Variants in ZFP64 observed in about 807,000 individuals in gnomAD.
ZFP64 encodes the protein ZFP64 zinc finger protein.
ZFP64 carries 14 observed loss-of-function variants against 51.6 expected under a neutral mutation model. That is an observed-to-expected ratio of 0.27 (90% CI 0.18 to 0.42). The LOEUF (loss-of-function observed/expected upper bound fraction) is 0.42. Among genes scored for constraint, ZFP64 ranks in the 10% least tolerant of loss-of-function variants. The probability of loss-of-function intolerance (pLI) is 1.00; values close to 1 mark genes in which losing one functional copy is unlikely to be tolerated. For synonymous variants in ZFP64, 375 were observed against 361.4 expected (o/e 1.04, Z -0.43); for missense variants, 754 against 906.8 (o/e 0.83, Z 2.16).
intron 5 of ZFP64, among the ~76,000 whole-genome samples, chr20:52,127,498 C>T (rs1224572381): frequency 6.6e-6 from 1 of 152,136 alleles, no homozygotes; most frequent in East Asian, 1.9e-4. Context: ...AGGGGCTCTT[C>T]CCCTTTCACT....
chr20:52,172,221 TTGTG>T (rs537503128), intron 2 of ZFP64, among the ~76,000 whole-genome samples: 19 of 147,984 alleles, frequency 1.3e-4, no homozygotes, highest in Non-Finnish European at 2.3e-4. Flanking sequence ...GTGTGTGTGT[TTGTG>T]TGTGTGTGTG....
Position 52,191,333 on chromosome 20 carries a change from C to A in ZFP64, c.46+258G>T, listed in dbSNP as rs1221711674. ...ATTGTCTGAACGGCGTGCCCTCCCC[C>A]ACTGTTCCCTTCCAAGGGGTCTCGC... On this transcript the variant is annotated intron_variant, in intron 1 of 5. Coordinates refer to ENST00000216923, the MANE Select transcript of ZFP64 (RefSeq NM_018197.3). This position sits in a 1 kb window ranked among gnomAD's most constrained non-coding sequence, Gnocchi z 4.3. Among the ~76,000 whole-genome samples the A allele has an allele frequency of 6.6e-6, 1 of 152,196 alleles. No individual in the cohort carries two copies. The highest frequency in any genetic ancestry group is 2.4e-5 in the African/African-American group (1 of 41,456).
chr20:52,175,857 C>CCCAG, intron 2 of ZFP64: 38 of 376,044 alleles, frequency 1.0e-4, no homozygotes, highest in East Asian at 1.7e-4. Flanking sequence ...CCCGCACCCC[C>CCCAG]GCTGCCGCCC....
At chr20:52,130,220 G>A (rs530701755) in intron 5 of ZFP64, among the ~76,000 whole-genome samples, 6 of 152,208 alleles carry the variant, frequency 3.9e-5, no homozygotes, top group Admixed American at 6.5e-5. Flanking sequence ...TGTTTTGTTT[G>A]TTTGTTTGTT....
At chr20:52,177,659 C>G (rs374254166) in intron 2 of ZFP64, among the ~76,000 whole-genome samples, 1 of 151,804 alleles carries the variant, frequency 6.6e-6, no homozygotes, top group African/African-American at 2.4e-5. Context: ...TTTGAGCTGC[C>G]GAACTGACCT....
At chr20:52,111,195 C>T (rs1376294593) in intron 5 of ZFP64, 6 of 431,112 alleles carry the variant, frequency 1.4e-5, no homozygotes, top group African/African-American at 5.0e-5. Flanking sequence ...AGTCAGCGGT[C>T]AATTTTTTTT....
At chr20:52,137,210 A>T (rs1386012061) in intron 5 of ZFP64, among the ~76,000 whole-genome samples, 1 of 152,198 alleles carries the variant, frequency 6.6e-6, no homozygotes, top group African/African-American at 2.4e-5. Context: ...AAGATTAATA[A>T]TATTTCCTAT....
At chr20:52,147,686 T>C (rs1236551636), downstream of ZFP64, among the ~76,000 whole-genome samples, 1 of 152,168 alleles carries the variant, frequency 6.6e-6, no homozygotes, top group Non-Finnish European at 1.5e-5. Flanking sequence ...ATGCAAAAAT[T>C]CCTATTCACA....
At chr20:52,180,688 A>T (rs1380917020) in intron 2 of ZFP64, among the ~76,000 whole-genome samples, 1 of 152,104 alleles carries the variant, frequency 6.6e-6, no homozygotes, top group East Asian at 1.9e-4. Flanking sequence ...ATGTAATGAG[A>T]GCTAACAGTG....
At chr20:52,100,888 CAA>C (rs2079043281) in intron 5 of ZFP64, among the ~76,000 whole-genome samples, 1 of 152,170 alleles carries the variant, frequency 6.6e-6, no homozygotes, top group South Asian at 2.1e-4. Context: ...TGAGTAAATA[CAA>C]TTGCGTGGCT....
At chr20:52,108,713 T>A (rs1978386312) in intron 5 of ZFP64, among the ~76,000 whole-genome samples, 1 of 152,042 alleles carries the variant, frequency 6.6e-6, no homozygotes, top group Non-Finnish European at 1.5e-5. Context: ...TTTCACCATG[T>A]CGGCCAGGCT....
At chr20:52,163,246 A>G (rs532919434) in intron 4 of ZFP64, among the ~76,000 whole-genome samples, 2 of 152,254 alleles carry the variant, frequency 1.3e-5, no homozygotes, top group South Asian at 4.2e-4. Context: ...CTGTAATCCC[A>G]GCTACTCAGG....
chr20:52,189,779 T>C (rs1984244412), intron 1 of ZFP64, among the ~76,000 whole-genome samples: 2 of 152,134 alleles, frequency 1.3e-5, no homozygotes, highest in South Asian at 2.1e-4. Context: ...TGGCCCTTTT[T>C]CCTAAACATT....
chr20:52,161,238 A>G (rs1981769524), intron 4 of ZFP64, among the ~76,000 whole-genome samples: 1 of 152,144 alleles, frequency 6.6e-6, no homozygotes, highest in East Asian at 1.9e-4. Flanking sequence ...GAACCTCACT[A>G]ATGCTATGTC....
intron 2 of ZFP64, among the ~76,000 whole-genome samples, chr20:52,171,895 C>G (rs917118431): frequency 6.6e-6 from 1 of 151,810 alleles, no homozygotes; most frequent in African/African-American, 2.4e-5. Context: ...CTACAGGTGC[C>G]TGCCACAGTG....
rs567940500 is a variant in ZFP64, at chr20:52,163,699, G to A, written c.511+996C>T. The stretch of plus-strand genomic sequence containing the variant: ...AAATAGCAGGCTTTGGGCAATTAGC[G>A]AAGCCAAAGCCAAAACTCCCTGCAT... On this transcript the variant is annotated intron_variant, in intron 4 of 5. Coordinates refer to ENST00000216923, the MANE Select transcript of ZFP64 (RefSeq NM_018197.3). 3.9e-5 allele frequency among the ~76,000 whole-genome samples: 6 copies of A among 152,214 alleles called. No homozygotes were observed. In the East Asian group the frequency reaches 5.8e-4, roughly 15 times the overall value.
intron 5 of ZFP64, among the ~76,000 whole-genome samples, chr20:52,102,169 G>C (rs991870180): frequency 3.4e-5 from 5 of 147,832 alleles, no homozygotes; most frequent in Non-Finnish European, 7.4e-5. Flanking sequence ...GAACCAATCT[G>C]TACTTTAGCC....
intron 5 of ZFP64, among the ~76,000 whole-genome samples, chr20:52,126,826 T>G (rs1298222775): frequency 6.6e-6 from 1 of 151,990 alleles, no homozygotes; most frequent in Non-Finnish European, 1.5e-5. Context: ...GTGCCTTTAA[T>G]GAAAGACACC....
intron 5 of ZFP64, among the ~76,000 whole-genome samples, chr20:52,124,982 G>A (rs1309125812): frequency 6.6e-6 from 1 of 152,098 alleles, no homozygotes; most frequent in Non-Finnish European, 1.5e-5. Flanking sequence ...GCTGTCAGAG[G>A]GAACGAAGGC....
Sources: gnomAD v4.1 joint callset for allele counts (sites outside exome capture counted in the v4.1 genomes callset) on GRCh38, gnomAD v4.1.1 for gene constraint, Gnocchi (gnomAD v3.1) non-coding constraint, MANE v1.5 for transcripts, NCBI Gene and HGNC (gene_info 2026-07-23, HGNC 2026-07-21) for gene names.